The following ZSWIM5 variants were observed in gnomAD, a reference collection of about 807,000 sequenced individuals.
ZSWIM5 encodes zinc finger SWIM-type containing 5.
In ZSWIM5, 55 loss-of-function variants were observed where a neutral mutation model predicts 119.6. That is an observed-to-expected ratio of 0.46 (90% CI 0.37 to 0.58). The LOEUF is 0.58. Among genes scored for constraint, ZSWIM5 ranks in the 20% least tolerant of loss-of-function variants. The pLI is 0.00. For missense variants in ZSWIM5, 1,193 were observed against 1,512.8 expected (o/e 0.79, Z 3.51); for synonymous variants, 537 against 606.9 (o/e 0.88, Z 1.69).
chr1:45,193,293 C>T (rs923627570), intron 1 of ZSWIM5, among the ~76,000 whole-genome samples: 2 of 152,246 alleles, frequency 1.3e-5, no homozygotes, highest in Admixed American at 1.3e-4. Flanking sequence ...AGTACAGTTG[C>T]TTTAAACAAA....
intron 1 of ZSWIM5, among the ~76,000 whole-genome samples, chr1:45,186,940 A>T (rs1646062615): frequency 6.6e-6 from 1 of 152,168 alleles, no homozygotes; most frequent in Admixed American, 6.6e-5. Context: ...GTAAAATATT[A>T]AATATGTGTT....
intron 1 of ZSWIM5, among the ~76,000 whole-genome samples, chr1:45,162,369 G>A (rs917270056): frequency 1.2e-4 from 18 of 152,144 alleles, no homozygotes; most frequent in Admixed American, 6.5e-4. Context: ...CAAGATGGCC[G>A]AATAGGAACA....
intron 1 of ZSWIM5, among the ~76,000 whole-genome samples, chr1:45,177,919 A>C (rs1256732123): frequency 6.6e-6 from 1 of 151,900 alleles, no homozygotes; most frequent in Non-Finnish European, 1.5e-5. Context: ...TTGAGTAATA[A>C]ATTCATTCCA....
At chr1:45,029,419 A>T (rs1328074335) in intron 11 of ZSWIM5, among the ~76,000 whole-genome samples, 1 of 152,164 alleles carries the variant, frequency 6.6e-6, no homozygotes, top group Non-Finnish European at 1.5e-5. Context: ...CACAGAAGTG[A>T]TGCTGAGTTC....
chr1:45,146,406 T>G (rs1336100707), intron 1 of ZSWIM5, among the ~76,000 whole-genome samples: 2 of 128,674 alleles, frequency 1.6e-5, no homozygotes, highest in African/African-American at 5.7e-5. Flanking sequence ...AAAAAAAGTA[T>G]AAAATACAAG....
intron 1 of ZSWIM5, among the ~76,000 whole-genome samples, chr1:45,109,880 T>A (rs13376629): frequency 0.021 from 3,129 of 152,218 alleles, 114 homozygotes; most frequent in African/African-American, 0.072. Flanking sequence ...TTTCCTTTTT[T>A]TTTAGGCAAG....
In ZSWIM5 at chr1:45,071,454, C is replaced by CTT. The variant is rs58028758; in HGVS notation, c.953-11209_953-11208dup. 2.1e-4 allele frequency among the ~76,000 whole-genome samples: 20 copies of CTT among 93,742 alleles called. 2 individuals are homozygous for CTT. Among genetic ancestry groups the CTT allele is most frequent in the African/African-American group, 5.5e-4 (13 of 23,782 alleles). 61.5% of individuals were successfully genotyped at this position (93,742 alleles called of 152,430 possible). A position where few individuals can be genotyped will look rare whatever the true frequency, so the allele number is the denominator to read the frequency against. ...CATGTTGTTGCAAATGACAGAATCT[C>CTT]TTTTTTTTTTTTTTTTTTTGAGATA... On this transcript the variant is annotated intron_variant, in intron 2 of 13. Transcript: ENST00000359600.
chr1:45,191,877 C>T (rs1206108731), intron 1 of ZSWIM5, among the ~76,000 whole-genome samples: 1 of 152,178 alleles, frequency 6.6e-6, no homozygotes, highest in African/African-American at 2.4e-5. Context: ...TAATAGAGCT[C>T]ACCCTTGAGA....
chr1:45,033,379 C>G (rs1485150222), intron 11 of ZSWIM5, among the ~76,000 whole-genome samples: 2 of 152,132 alleles, frequency 1.3e-5, no homozygotes, highest in Non-Finnish European at 2.9e-5. Flanking sequence ...GAAGATACCA[C>G]ATAAAGTTAT....
chr1:45,071,210 C>G (rs1480348716), intron 2 of ZSWIM5, among the ~76,000 whole-genome samples: 2 of 152,048 alleles, frequency 1.3e-5, no homozygotes, highest in East Asian at 3.8e-4. Context: ...AATACTAGGT[C>G]TTTTTCATTC....
chr1:45,066,530 C>T (rs1170798631), intron 2 of ZSWIM5, among the ~76,000 whole-genome samples: 1 of 152,100 alleles, frequency 6.6e-6, no homozygotes, highest in East Asian at 1.9e-4. Context: ...GGAAGAAATA[C>T]TGTGTACTTT....
intron 1 of ZSWIM5, among the ~76,000 whole-genome samples, chr1:45,111,991 A>G (rs1456986116): frequency 6.6e-6 from 1 of 152,188 alleles, no homozygotes; most frequent in Non-Finnish European, 1.5e-5. Flanking sequence ...CTGGGTTCAT[A>G]TTACAGGATT....
At chr1:45,020,324 C>T (rs1644880590) in intron 12 of ZSWIM5, among the ~76,000 whole-genome samples, 177 bp from the exon 13 acceptor site, 1 of 152,212 alleles carries the variant, frequency 6.6e-6, no homozygotes. Context: ...AGATAGGAAG[C>T]TTCTCTGATG....
intron 1 of ZSWIM5, among the ~76,000 whole-genome samples, chr1:45,090,608 G>A (rs550146624): frequency 5.9e-5 from 9 of 151,742 alleles, no homozygotes; most frequent in Non-Finnish European, 1.3e-4. Context: ...AAAAATTTGT[G>A]ACCTGACTGC....
At chr1:45,178,180 C>T (rs1475192085) in intron 1 of ZSWIM5, among the ~76,000 whole-genome samples, 2 of 152,092 alleles carry the variant, frequency 1.3e-5, no homozygotes, top group East Asian at 1.9e-4. Flanking sequence ...AATCCCAGCA[C>T]TTTCGGAGGC....
chr1:45,164,796 G>A (rs1173550445), intron 1 of ZSWIM5, among the ~76,000 whole-genome samples: 1 of 152,034 alleles, frequency 6.6e-6, no homozygotes, highest in African/African-American at 2.4e-5. Flanking sequence ...ACCCAATACA[G>A]GAGCACCCAG....
At chr1:45,106,684 C>G (rs1238240444) in intron 1 of ZSWIM5, among the ~76,000 whole-genome samples, 1 of 152,190 alleles carries the variant, frequency 6.6e-6, no homozygotes, top group African/African-American at 2.4e-5. Context: ...GCCAGGCTGC[C>G]CCATCTGGGA....
intron 1 of ZSWIM5, among the ~76,000 whole-genome samples, chr1:45,116,540 C>G (rs1245533166): frequency 6.6e-6 from 1 of 152,188 alleles, no homozygotes; most frequent in Non-Finnish European, 1.5e-5. Context: ...CAAACCACTT[C>G]CTGCTCTATT....
At chr1:45,124,688 A>G (rs1645610199) in intron 1 of ZSWIM5, among the ~76,000 whole-genome samples, 1 of 152,186 alleles carries the variant, frequency 6.6e-6, no homozygotes. Context: ...TATTTTAAAA[A>G]CATGACCCAA....
Sources: gnomAD v4.1 joint callset for allele counts (sites outside exome capture counted in the v4.1 genomes callset) on GRCh38, gnomAD v4.1.1 for gene constraint, MANE v1.5 for transcripts, NCBI Gene and HGNC (gene_info 2026-07-23, HGNC 2026-07-21) for gene names.